The following HSDL2 variants were observed in gnomAD, a reference collection of about 807,000 sequenced individuals.
HSDL2 encodes hydroxysteroid dehydrogenase-like protein 2.
A neutral mutation model predicts 46.3 loss-of-function variants in HSDL2; 27 were observed. The observed-to-expected ratio is 0.58, with a 90% CI of 0.43 to 0.80. HSDL2 has a LOEUF of 0.80. HSDL2 is among the 30% of genes least tolerant of loss of function. The pLI is 0.00. For missense variants in HSDL2, 451 were observed against 502.7 expected, an observed-to-expected ratio of 0.90 and a Z score of 0.98; for synonymous variants, 153 against 163.6, an observed-to-expected ratio of 0.94 and a Z score of 0.50.
chr9:112,430,297 G>A (rs369613951), intron 6 of HSDL2, among the ~76,000 whole-genome samples: 3 of 152,162 alleles, frequency 2.0e-5, no homozygotes. Context: ...AGCAGCAGTG[G>A]ATAGGTCCTG....
At chr9:112,392,445 A>G (rs1370699780) in intron 1 of HSDL2, among the ~76,000 whole-genome samples, 1 of 152,100 alleles carries the variant, frequency 6.6e-6, no homozygotes, top group Non-Finnish European at 1.5e-5. Context: ...ACCAGAGCGT[A>G]TCTCACTCCC....
At chr9:112,385,611 C>T (rs1390731346) in intron 1 of HSDL2, among the ~76,000 whole-genome samples, 3 of 151,136 alleles carry the variant, frequency 2.0e-5, no homozygotes, top group Non-Finnish European at 2.9e-5. Context: ...TTCAGCCTCC[C>T]GAGTAGCTGA....
Position 112,391,572 on chromosome 9 carries a change from A to G in HSDL2, c.17+11392A>G, listed in dbSNP as rs192966791. On this transcript the variant is annotated intron_variant, in intron 1 of 10. Transcript: ENST00000398805. ...AAATGTATGTAATTTATAGACTTGT[A>G]TGAGTCAATAAGAAAAAAGTTAACC... is the stretch of plus-strand genomic sequence containing the variant. 7.2e-5 allele frequency among the ~76,000 whole-genome samples: 11 copies of G among 152,336 alleles called. No homozygotes were observed. The East Asian group carries it at 1.9e-3, about 27-fold the overall frequency.
Position 112,412,973 on chromosome 9 carries a change from C to T in HSDL2, c.396-3868C>T, listed in dbSNP as rs544786095. 5.9e-5 allele frequency among the ~76,000 whole-genome samples: 9 copies of T among 151,824 alleles called. 3 individuals are homozygous for T. In the South Asian group the frequency reaches 8.3e-4, roughly 14 times the overall value. ...AAATTACAGTTAAAATTAAAACTCT[C>T]GCACAAAGATTCTATTCACTATTGA... On this transcript the variant is annotated intron_variant, in intron 4 of 10. Transcript: ENST00000398805.
At chr9:112,419,151 G>A (rs528490073) in intron 6 of HSDL2, among the ~76,000 whole-genome samples, 193 bp downstream of exon 6, 2 of 142,768 alleles carry the variant, frequency 1.4e-5, no homozygotes, top group South Asian at 4.7e-4. Context: ...TGGGACTATA[G>A]GTGCACACCA....
intron 7 of HSDL2, among the ~76,000 whole-genome samples, chr9:112,440,336 G>A (rs554717187): frequency 1.9e-4 from 29 of 151,968 alleles, no homozygotes; most frequent in African/African-American, 6.8e-4. Context: ...GCAGGAGACC[G>A]AGGCAGGAGG....
intron 10 of HSDL2, among the ~76,000 whole-genome samples, chr9:112,462,139 TG>T (rs1833228959): frequency 6.6e-6 from 1 of 152,176 alleles, no homozygotes; most frequent in South Asian, 2.1e-4. Flanking sequence ...GCCATTTCTA[TG>T]CCTAATTTAT....
chr9:112,410,064 T>G (rs1831825585), intron 4 of HSDL2, among the ~76,000 whole-genome samples: 1 of 151,576 alleles, frequency 6.6e-6, no homozygotes, highest in African/African-American at 2.4e-5. Flanking sequence ...TAAATAACAG[T>G]AAGGTCATTC....
At chr9:112,440,826 G>A (rs1832622577) in intron 7 of HSDL2, among the ~76,000 whole-genome samples, 1 of 152,030 alleles carries the variant, frequency 6.6e-6, no homozygotes, top group Admixed American at 6.6e-5. Flanking sequence ...TGACCAATAT[G>A]GTGAAACTCT....
At chr9:112,426,712 C>T (rs1832254132) in intron 6 of HSDL2, among the ~76,000 whole-genome samples, 1 of 151,940 alleles carries the variant, frequency 6.6e-6, no homozygotes, top group Non-Finnish European at 1.5e-5. Context: ...ACCAGTCCCT[C>T]GAAAAAATAA....
chr9:112,446,737 T>C (rs1832767462), intron 8 of HSDL2, among the ~76,000 whole-genome samples: 1 of 152,230 alleles, frequency 6.6e-6, no homozygotes, highest in Non-Finnish European at 1.5e-5. Context: ...CCTTGGGGCA[T>C]GTACTTCCCA....
chr9:112,458,386 C>T (rs995018160), intron 9 of HSDL2, among the ~76,000 whole-genome samples: 35 of 148,804 alleles, frequency 2.4e-4, no homozygotes, highest in Admixed American at 7.4e-4. Context: ...AGTGCAATGG[C>T]GCGATCTTGG....
intron 6 of HSDL2, among the ~76,000 whole-genome samples, chr9:112,436,805 A>G (rs1832533694): frequency 6.6e-6 from 1 of 152,098 alleles, no homozygotes; most frequent in Non-Finnish European, 1.5e-5. Flanking sequence ...TTAATTGTAG[A>G]GTTTAAAGTT....
intron 5 of HSDL2, among the ~76,000 whole-genome samples, chr9:112,417,212 A>G (rs1337952502): frequency 6.6e-6 from 1 of 152,216 alleles, no homozygotes. Flanking sequence ...CAACACCCAA[A>G]TCAAGATACA....
chr9:112,412,942 T>TA (rs1831911107), intron 4 of HSDL2, among the ~76,000 whole-genome samples: 1 of 151,356 alleles, frequency 6.6e-6, no homozygotes, highest in Admixed American at 6.6e-5. Context: ...GTCTCTGTTT[T>TA]AAAAAAAATT....
At chr9:112,395,811 G>A (rs1253265354) in intron 1 of HSDL2, among the ~76,000 whole-genome samples, 2 of 152,192 alleles carry the variant, frequency 1.3e-5, no homozygotes, top group Admixed American at 1.3e-4. Flanking sequence ...AATTCCAGGG[G>A]GAAAGAGGAG....
In HSDL2 at chr9:112,454,141, A is replaced by G. The variant is rs754532155; in HGVS notation, c.994A>G (p.Ile332Val). The G allele has an allele frequency of 5.0e-6, 8 of 1,613,668 alleles. No individual in the cohort carries two copies. The highest frequency in any genetic ancestry group is 1.3e-5 in the African/African-American group (1 of 75,038). ...SDDVVKATQA[I>V]YLFELSGEDG... ...TGATGTTGTTAAAGCCACTCAAGCA[A>G]TCTATCTGTTTGAACTCTCCGGTAA... Residue 332 changes from isoleucine to valine, a missense_variant, in exon 9 of 11, where the codon ATC becomes GTC. Transcript: ENST00000398805.
intron 6 of HSDL2, among the ~76,000 whole-genome samples, chr9:112,432,837 G>A (rs1832440181): frequency 6.6e-6 from 1 of 152,082 alleles, no homozygotes; most frequent in Non-Finnish European, 1.5e-5. Flanking sequence ...GCGCCATCTC[G>A]GCTCACTGAA....
In HSDL2 at chr9:112,416,847, A is replaced by G. The variant is rs1230541817; in HGVS notation, c.402A>G (p.Lys134=). 3 of 1,498,638 alleles carry G rather than the reference A, an allele frequency of 2.0e-6. No homozygotes were observed. The highest frequency in any genetic ancestry group is 2.8e-6 in the Non-Finnish European group (3 of 1,077,450). The allele number at this position is 1,498,638 out of a possible 1,614,324, so 92.8% of individuals were successfully genotyped here. ...TATTTTCTTTTGCTTTCAGATCTAA[A>G]GCATGTATTCCTTATTTGAAAAAGA... The part of the protein sequence containing the change: ...VNTRGTYLAS[K]ACIPYLKKSK... Residue 134 remains lysine (K), a synonymous_variant, in exon 5 of 11, where the codon AAA becomes AAG. Coordinates refer to ENST00000398805, the MANE Select transcript of HSDL2 (RefSeq NM_032303.5).
Sources: allele counts gnomAD v4.1 joint callset (sites outside exome capture counted in the v4.1 genomes callset), GRCh38; gene constraint gnomAD v4.1.1; transcripts MANE v1.5; gene names NCBI Gene and HGNC (gene_info 2026-07-23, HGNC 2026-07-21).